PITPNM2: variants seen among roughly 807,000 people sequenced by gnomAD.
The protein encoded by PITPNM2 is membrane-associated phosphatidylinositol transfer protein 2.
A neutral mutation model predicts 132.2 loss-of-function variants in PITPNM2; 35 were observed. That is an observed-to-expected ratio of 0.26 (90% confidence interval 0.20 to 0.35). The LOEUF (loss-of-function observed/expected upper bound fraction) is 0.35, where lower values mean the gene tolerates loss of function less well. PITPNM2 is among the 10% of genes least tolerant of loss of function. The pLI is 1.00. For synonymous variants in PITPNM2, 738 were observed against 799.2 expected, an observed-to-expected ratio of 0.92 and a Z score of 1.29; for missense variants, 1,332 against 1,912.0, an observed-to-expected ratio of 0.70 and a Z score of 5.66.
In PITPNM2 at chr12:123,000,684, G is replaced by C. The variant is rs2038621215; in HGVS notation, c.1224+94C>G. On this transcript the variant is annotated intron_variant, in intron 10 of 25. Transcript: ENST00000320201. This position sits in a 1 kb window ranked among gnomAD's most constrained non-coding sequence, Gnocchi z 5.4. ...CGTGGAGGTGAGGCTGCCAGGCCCA[G>C]AGTTCCACCTCTGTAACCCCTCAGA... The C allele has an allele frequency of 1.5e-6, 2 of 1,378,006 alleles. No homozygotes were observed. Among genetic ancestry groups the C allele is most frequent in the Admixed American group, 3.9e-5 (2 of 50,896 alleles). 85.4% of individuals were successfully genotyped at this position (1,378,006 alleles called of 1,614,324 possible).
intron 2 of PITPNM2, among the ~76,000 whole-genome samples, chr12:123,060,983 T>G (rs2041217045): frequency 1.3e-5 from 2 of 152,184 alleles, no homozygotes; most frequent in African/African-American, 4.8e-5. Context: ...CCTTCACCCA[T>G]GCATCCACCT....
intron 2 of PITPNM2, among the ~76,000 whole-genome samples, chr12:123,103,827 C>T (rs1360756032): frequency 1.3e-5 from 2 of 152,178 alleles, no homozygotes; most frequent in African/African-American, 4.8e-5. Flanking sequence ...TCCACAAGAA[C>T]CTTCTTTTAA....
intron 2 of PITPNM2, chr12:123,087,255 CTTTTTTTTTT>C (rs558222491): frequency 6.8e-6 from 1 of 147,250 alleles, no homozygotes; most frequent in Non-Finnish European, 1.5e-5. Context: ...CTTTTCTTTT[CTTTTTTTTTT>C]TGAAACAGCG....
rs1343882434 is a variant in PITPNM2 at position 123,099,665 on chromosome 12, C to A, written c.-96+10720G>T. Among the ~76,000 whole-genome samples the A allele has an allele frequency of 6.6e-6, 1 of 152,166 alleles. No homozygotes were observed. The highest frequency in any genetic ancestry group is 1.5e-5 in the Non-Finnish European group (1 of 68,022). The stretch of plus-strand genomic sequence containing the variant: ...TTTTAATGACCCAAACAGCTCCTGG[C>A]TCCTGGATGCCTGGCTCCAGGTCCC... On this transcript the variant is annotated intron_variant, in intron 2 of 25. Coordinates refer to ENST00000320201, the MANE Select transcript of PITPNM2 (RefSeq NM_020845.3). This position sits in a 1 kb window ranked among gnomAD's most constrained non-coding sequence, Gnocchi z 4.2.
At chr12:123,091,233 C>CCCCT (rs1455834867) in intron 2 of PITPNM2, 3 of 152,210 alleles carry the variant, frequency 2.0e-5, no homozygotes, top group African/African-American at 7.2e-5. Flanking sequence ...ATTAGGTGGC[C>CCCCT]CCCTGTGCAA....
rs1249320452 is a variant in PITPNM2 at position 122,994,489 on chromosome 12, C to G, written c.2233+312G>C. On this transcript the variant is annotated intron_variant, in intron 15 of 25. Transcript: ENST00000320201. This position sits in a 1 kb window ranked among gnomAD's most constrained non-coding sequence, Gnocchi z 5.4. The stretch of plus-strand genomic sequence containing the variant: ...ATGGGAGGACCTTGGACCTGGGAGG[C>G]TGGGTCTGTCTCCATCTGACTCTGG... 1.3e-5 allele frequency among the ~76,000 whole-genome samples: 2 copies of G among 152,172 alleles called. No homozygotes were observed. Among genetic ancestry groups the G allele is most frequent in the Non-Finnish European group, 2.9e-5 (2 of 68,008 alleles).
chr12:122,998,283 AAGAGGTAATGACCCCACCTTCCTGCC>A (rs2038515605), intron 10 of PITPNM2, among the ~76,000 whole-genome samples: 2 of 152,216 alleles, frequency 1.3e-5, no homozygotes, highest in Admixed American at 1.3e-4. Context: ...ATCAGATTTC[AAGAGGTAATGACCCCACCTTCCTGCC>A]AGGCCAGGCC....
chr12:122,992,378 A>G lies in PITPNM2; in HGVS notation c.2404+121T>C. 3 of 777,446 alleles carry G rather than the reference A, an allele frequency of 3.9e-6. No homozygotes were observed. In the South Asian group the frequency reaches 5.5e-5, roughly 14 times the overall value. 48.2% of individuals were successfully genotyped at this position (777,446 alleles called of 1,614,324 possible). A position where few individuals can be genotyped will look rare whatever the true frequency, so the allele number is the denominator to read the frequency against. Reference sequence around the variant, plus strand: ...CAACAGCTGTCCACCTCCAAGAGGCATTCAGCACAAGCTGTCCCTCTCACC... The same window carrying G: ...CAACAGCTGTCCACCTCCAAGAGGCGTTCAGCACAAGCTGTCCCTCTCACC... On this transcript the variant is annotated intron_variant, in intron 16 of 25. Coordinates refer to ENST00000320201, the MANE Select transcript of PITPNM2 (RefSeq NM_020845.3). The surrounding 1 kb of genome is among the most constrained non-coding windows in gnomAD (Gnocchi z 6.5).
intron 2 of PITPNM2, among the ~76,000 whole-genome samples, chr12:123,073,270 C>T (rs1389167941): frequency 6.6e-6 from 1 of 152,174 alleles, no homozygotes; most frequent in Non-Finnish European, 1.5e-5. Context: ...AACATAAGAA[C>T]TCCCCTCTAC....
chr12:123,148,971 G>A (rs1416741400), intron 1 of PITPNM2, among the ~76,000 whole-genome samples: 1 of 152,148 alleles, frequency 6.6e-6, no homozygotes, highest in Non-Finnish European at 1.5e-5. Flanking sequence ...CCTCTAGGTA[G>A]CCTGAGAGGA....
intron 2 of PITPNM2, among the ~76,000 whole-genome samples, chr12:123,044,803 A>G (rs938961473): frequency 2.6e-5 from 4 of 151,944 alleles, no homozygotes; most frequent in African/African-American, 9.7e-5. Context: ...ATTTTTTTGG[A>G]GATGGAGTCT....
At position 123,005,310 on chromosome 12, in the gene PITPNM2, G is replaced by T; in HGVS notation, c.882C>A (p.Pro294=). 1 of 1,614,042 alleles carries T rather than the reference G, an allele frequency of 6.2e-7. No individual in the cohort carries two copies. Among genetic ancestry groups the T allele is most frequent in the Non-Finnish European group, 8.5e-7 (1 of 1,180,008 alleles). Residue 294 remains proline, a synonymous_variant, in exon 7 of 26, where the codon CCC becomes CCA. Transcript: ENST00000320201. The surrounding 1 kb of genome is among the most constrained non-coding windows in gnomAD (Gnocchi z 6.2). ...PPEPSSSNGE[P]LVGRGLKKQW... is the part of the protein sequence containing the mutation. ...GTTTCTTGAGGCCGCGCCCCACTAG[G>T]GGCTCCCCATTGCTGCTGCTGGGCT...
Position 122,989,915 on chromosome 12 carries a change from AC to A in PITPNM2, c.2602del (p.Val868SerfsTer91). Reference sequence around the variant, plus strand: ...CAGGGCGAGCAGGGACAGACGCCTGACGCTGGGGGTATGGCTGAGCGCATCG... The same window carrying A: ...CAGGGCGAGCAGGGACAGACGCCTGAGCTGGGGGTATGGCTGAGCGCATCG... ...APDALSHTPS[V>X]RRLSLLALPA... On this transcript the variant is annotated frameshift_variant, in exon 18 of 26. Coordinates refer to ENST00000320201, the MANE Select transcript of PITPNM2 (RefSeq NM_020845.3). LOFTEE classifies it high-confidence loss of function. The A allele has an allele frequency of 7.6e-7, 1 of 1,323,070 alleles. No individual in the cohort carries two copies. The highest frequency in any genetic ancestry group is 9.7e-7 in the Non-Finnish European group (1 of 1,032,320). The allele number at this position is 1,323,070 out of a possible 1,614,324, so 82.0% of individuals were successfully genotyped here.
chr12:123,082,624 C>T lies in PITPNM2; in HGVS notation c.-96+27761G>A, dbSNP rs190190233. Among the ~76,000 whole-genome samples, 21 of 152,158 alleles carry T rather than the reference C, an allele frequency of 1.4e-4. No homozygotes were observed. The highest frequency in any genetic ancestry group is 2.9e-4 in the Non-Finnish European group (20 of 67,998). ...GCTAATTTTTATATTTTTAGTAAGACGGGGTTTCACCATGTTGGTCAGGCT... is the reference window on the plus strand; with the variant it reads ...GCTAATTTTTATATTTTTAGTAAGATGGGGTTTCACCATGTTGGTCAGGCT... On this transcript the variant is annotated intron_variant, in intron 2 of 25. Transcript: ENST00000320201. The surrounding 1 kb of genome is among the most constrained non-coding windows in gnomAD (Gnocchi z 5.4).
intron 2 of PITPNM2, among the ~76,000 whole-genome samples, chr12:123,056,311 G>A (rs1284372617): frequency 2.0e-5 from 3 of 152,220 alleles, no homozygotes; most frequent in South Asian, 2.1e-4. Flanking sequence ...GAACTTAGCC[G>A]GAGCTTTCAG....
At position 123,151,048 on chromosome 12, in the gene PITPNM2, G is replaced by A. The variant is rs1480965735; in HGVS notation, c.-495C>T. 2.7e-5 allele frequency among the ~76,000 whole-genome samples: 4 copies of A among 145,764 alleles called. No individual in the cohort carries two copies. Among genetic ancestry groups the A allele is most frequent in the Admixed American group, 2.0e-4 (3 of 14,710 alleles). On this transcript the variant is annotated 5_prime_UTR_variant, in exon 1 of 26. Transcript: ENST00000320201. Reference sequence around the variant, plus strand: ...GCCGGGGCCGGCTGGACAGCTCTACGCCGCGGCGCCGCGGTGCCCCGCGCA... The same window carrying A: ...GCCGGGGCCGGCTGGACAGCTCTACACCGCGGCGCCGCGGTGCCCCGCGCA...
intron 2 of PITPNM2, among the ~76,000 whole-genome samples, chr12:123,080,261 C>G (rs1332884515): frequency 1.3e-5 from 2 of 152,090 alleles, no homozygotes; most frequent in African/African-American, 4.8e-5. Context: ...CTCTGTTGCC[C>G]AGGCTGGAGT....
intron 1 of PITPNM2, among the ~76,000 whole-genome samples, chr12:123,131,991 C>T (rs906267490): frequency 1.3e-5 from 2 of 152,352 alleles, no homozygotes; most frequent in South Asian, 4.1e-4. Context: ...GAACCCTGCT[C>T]CACATTCAGG....
intron 1 of PITPNM2, among the ~76,000 whole-genome samples, chr12:123,119,180 G>C (rs2042986812): frequency 6.6e-6 from 1 of 152,130 alleles, no homozygotes; most frequent in African/African-American, 2.4e-5. Flanking sequence ...GGCCACCTGG[G>C]GGATTTCTCC....
Sources: allele counts gnomAD v4.1 joint callset (sites outside exome capture counted in the v4.1 genomes callset), GRCh38; gene constraint gnomAD v4.1.1; non-coding constraint Gnocchi (gnomAD v3.1); transcripts MANE v1.5; gene names NCBI Gene and HGNC (gene_info 2026-07-23, HGNC 2026-07-21).